The following CACNA1C variants were observed in gnomAD, a reference collection of about 807,000 sequenced individuals.
The protein encoded by CACNA1C is voltage-dependent L-type calcium channel subunit alpha-1C.
A neutral mutation model predicts 229.0 loss-of-function variants in CACNA1C; 30 were observed. The observed-to-expected ratio is 0.13, with a 90% CI of 0.10 to 0.18. CACNA1C has a LOEUF of 0.18. Ranked by LOEUF, CACNA1C falls within the 10% of genes least tolerant of loss-of-function variation. The probability of loss-of-function intolerance (pLI) is 1.00; values close to 1 mark genes in which losing one functional copy is unlikely to be tolerated. For missense variants in CACNA1C, 1,658 were observed against 2,845.0 expected, an observed-to-expected ratio of 0.58 and a Z score of 9.49; for synonymous variants, 1,114 against 1,132.5, an observed-to-expected ratio of 0.98 and a Z score of 0.33.
At chr12:2,090,025 T>C (rs561528625) in intron 1 of CACNA1C, among the ~76,000 whole-genome samples, 1 of 151,952 alleles carries the variant, frequency 6.6e-6, no homozygotes, top group Non-Finnish European at 1.5e-5. Context: ...TGAGACTCCG[T>C]CTCAAAGGAA....
intron 3 of CACNA1C, among the ~76,000 whole-genome samples, chr12:2,175,112 A>AT (rs2096609017): frequency 6.6e-6 from 1 of 152,208 alleles, no homozygotes; most frequent in Non-Finnish European, 1.5e-5. Context: ...GATTTAAAAA[A>AT]ATATATATCA....
intron 3 of CACNA1C, among the ~76,000 whole-genome samples, chr12:2,434,367 A>G (rs1292652143): frequency 6.6e-6 from 1 of 152,176 alleles, no homozygotes; most frequent in Non-Finnish European, 1.5e-5. Flanking sequence ...TTCCTATTTA[A>G]TGTGTTCAGT....
At chr12:2,588,821 C>T (rs1381831866) in intron 18 of CACNA1C, among the ~76,000 whole-genome samples, 1 of 152,082 alleles carries the variant, frequency 6.6e-6, no homozygotes, top group Non-Finnish European at 1.5e-5. Context: ...AGTGAGCATG[C>T]AGATGTTTGC....
intron 3 of CACNA1C, among the ~76,000 whole-genome samples, chr12:2,437,005 A>T (rs1413295213): frequency 6.6e-6 from 1 of 152,266 alleles, no homozygotes; most frequent in Non-Finnish European, 1.5e-5. Flanking sequence ...TTTCCCATTC[A>T]ACGAGAGATC....
chr12:1,979,216 G>A (rs753577971), intron 1 of CACNA1C, among the ~76,000 whole-genome samples: 33 of 152,246 alleles, frequency 2.2e-4, no homozygotes, highest in Non-Finnish European at 3.8e-4. Flanking sequence ...GTTTCGCCAT[G>A]TTGGCCAGGC....
intron 3 of CACNA1C, among the ~76,000 whole-genome samples, chr12:2,375,424 C>A (rs2098021695): frequency 1.3e-5 from 2 of 152,170 alleles, no homozygotes; most frequent in Non-Finnish European, 1.5e-5. Flanking sequence ...GTCTGGCCCA[C>A]CTTCGGCTCC....
Position 2,666,540 on chromosome 12 carries a change from CTG to C in CACNA1C, c.4527-144_4527-143del, listed in dbSNP as rs1240100664. On this transcript the variant is annotated intron_variant, in intron 36 of 46. Coordinates refer to ENST00000399655, the MANE Select transcript of CACNA1C (RefSeq NM_000719.7). The surrounding 1 kb of genome is among the most constrained non-coding windows in gnomAD (Gnocchi z 5.3). ...GGCTGTGTCATGCAATTCTGCAACT[CTG>C]TACTGAGTGTGACTAATAGGGCTAC... is the stretch of plus-strand genomic sequence containing the variant. 4.1e-5 allele frequency: 24 copies of C among 587,018 alleles called. No individual in the cohort carries two copies. The East Asian group carries it at 6.1e-4, about 15-fold the overall frequency. 36.4% of individuals were successfully genotyped at this position (587,018 alleles called of 1,614,324 possible). A position where few individuals can be genotyped will look rare whatever the true frequency, so the allele number is the denominator to read the frequency against.
intron 18 of CACNA1C, 45 bp from the exon 19 acceptor site, chr12:2,593,168 G>A (rs2066288189): frequency 3.1e-6 from 5 of 1,593,250 alleles, no homozygotes; most frequent in Non-Finnish European, 4.3e-6. Flanking sequence ...GGTAAAATAA[G>A]TGGGAGTGCT....
intron 21 of CACNA1C, among the ~76,000 whole-genome samples, chr12:2,600,231 A>AGG (rs1249513277): frequency 6.6e-6 from 1 of 152,164 alleles, no homozygotes; most frequent in Non-Finnish European, 1.5e-5. Context: ...CAGGGAGGCA[A>AGG]GGCTTCCAGA....
chr12:2,263,718 G>A (rs544641792), intron 3 of CACNA1C, among the ~76,000 whole-genome samples: 46 of 152,198 alleles, frequency 3.0e-4, no homozygotes, highest in Non-Finnish European at 5.9e-4. Flanking sequence ...AACAAAGGAA[G>A]AGGGAAGATG....
intron 3 of CACNA1C, among the ~76,000 whole-genome samples, chr12:2,180,678 G>C (rs2096811434): frequency 6.6e-6 from 1 of 152,190 alleles, no homozygotes; most frequent in Non-Finnish European, 1.5e-5. Flanking sequence ...GTGAGGGGCT[G>C]GTTTTGGAGC....
intron 9 of CACNA1C, among the ~76,000 whole-genome samples, chr12:2,529,035 C>T (rs2099834672): frequency 6.6e-6 from 1 of 152,314 alleles, no homozygotes; most frequent in East Asian, 1.9e-4. Context: ...GTGACTTATA[C>T]ATCAGAGATG....
intron 3 of CACNA1C, among the ~76,000 whole-genome samples, chr12:2,212,817 C>A (rs910360306): frequency 6.6e-6 from 1 of 152,104 alleles, no homozygotes; most frequent in Non-Finnish European, 1.5e-5. Context: ...ATGGAGCTTA[C>A]AGTCTGGTGG....
intron 3 of CACNA1C, among the ~76,000 whole-genome samples, chr12:2,136,761 T>A (rs1205423640): frequency 6.6e-6 from 1 of 151,336 alleles, no homozygotes; most frequent in Non-Finnish European, 1.5e-5. Context: ...AGAGGTAGAC[T>A]TGGCTTTGAG....
At chr12:2,353,770 C>A (rs2097274400) in intron 3 of CACNA1C, among the ~76,000 whole-genome samples, 1 of 152,114 alleles carries the variant, frequency 6.6e-6, no homozygotes, top group Non-Finnish European at 1.5e-5. Flanking sequence ...AGGCCCAGGG[C>A]TGAGATGGCC....
chr12:2,490,500 G>A (rs1424517119), intron 6 of CACNA1C, among the ~76,000 whole-genome samples: 1 of 152,208 alleles, frequency 6.6e-6, no homozygotes, highest in Non-Finnish European at 1.5e-5. Flanking sequence ...CGTCTCTGCT[G>A]TCATTCCAGT....
At chr12:2,175,103 AT>A (rs941698784) in intron 3 of CACNA1C, among the ~76,000 whole-genome samples, 19 of 152,176 alleles carry the variant, frequency 1.2e-4, no homozygotes, top group African/African-American at 3.6e-4. Context: ...AACAGACAAG[AT>A]TTAAAAAAAT....
chr12:2,513,822 A>G (rs2283321), intron 9 of CACNA1C, among the ~76,000 whole-genome samples: 28,976 of 152,084 alleles, frequency 0.19, 3,852 homozygotes, highest in African/African-American at 0.37. Context: ...AAACTGTGGG[A>G]ATGGGGCCCA....
chr12:2,102,890 C>T (rs2076949162), intron 1 of CACNA1C, among the ~76,000 whole-genome samples: 1 of 152,214 alleles, frequency 6.6e-6, no homozygotes, highest in Non-Finnish European at 1.5e-5. Context: ...CAGCATCATC[C>T]ATGTCCCTGC....
Sources: allele counts gnomAD v4.1 joint callset (sites outside exome capture counted in the v4.1 genomes callset), GRCh38; gene constraint gnomAD v4.1.1; non-coding constraint Gnocchi (gnomAD v3.1); transcripts MANE v1.5; gene names NCBI Gene and HGNC (gene_info 2026-07-23, HGNC 2026-07-21).